Variants in KCNQ1 observed in about 807,000 individuals in gnomAD.
KCNQ1 encodes potassium voltage-gated channel subfamily KQT member 1.
A neutral mutation model predicts 72.4 loss-of-function variants in KCNQ1; 49 were observed. That is an observed-to-expected ratio of 0.68 (90% CI 0.54 to 0.86). The LOEUF is 0.86. Ranked by LOEUF, KCNQ1 falls within the 40% of genes least tolerant of loss-of-function variation. The pLI is 0.00. For synonymous variants in KCNQ1, 450 were observed against 412.6 expected (o/e 1.09, Z -1.10); for missense variants, 790 against 945.1 (o/e 0.84, Z 2.15).
At position 2,781,969 on chromosome 11, in the gene KCNQ1, C is replaced by T. The variant is rs972641894; in HGVS notation, c.1794+3932C>T. 6.6e-6 allele frequency among the ~76,000 whole-genome samples: 1 copy of T among 152,124 alleles called. No homozygotes were observed. Among genetic ancestry groups the T allele is most frequent in the Non-Finnish European group, 1.5e-5 (1 of 68,012 alleles). On this transcript the variant is annotated intron_variant, in intron 15 of 15. Transcript: ENST00000155840. This position sits in a 1 kb window ranked among gnomAD's most constrained non-coding sequence, Gnocchi z 6.6. ...CAGGACTCCCAAAACCACACCCTGC[C>T]CATGCCTTTACCAAGCTTCGTGCAT...
chr11:2,518,224 C>T (rs1414973406), intron 1 of KCNQ1, among the ~76,000 whole-genome samples: 3 of 152,250 alleles, frequency 2.0e-5, no homozygotes, highest in South Asian at 4.1e-4. Context: ...GGCTGCCTGG[C>T]GGTCCATGAA....
rs140627751 is a variant in KCNQ1, at chr11:2,821,666, C to T, written c.1795-26101C>T. On this transcript the variant is annotated intron_variant, in intron 15 of 15. Coordinates refer to ENST00000155840, the MANE Select transcript of KCNQ1 (RefSeq NM_000218.3). ...TGCGTGCTGCCCTTCTGCTGGAAAC[C>T]CTCCCAGCCATTTGAGGTCCTGCCC... Among the ~76,000 whole-genome samples, 1,131 of 152,278 alleles carry T rather than the reference C, an allele frequency of 7.4e-3. 8 individuals carry two copies. The highest frequency in any genetic ancestry group is 0.01 in the Middle Eastern group (3 of 294).
At chr11:2,684,498 A>G (rs1180058873) in intron 11 of KCNQ1, 4 of 398,616 alleles carry the variant, frequency 1.0e-5, no homozygotes, top group African/African-American at 6.2e-5. Flanking sequence ...TTCTCCTTCT[A>G]TTCCTCCTAT....
At chr11:2,614,602 T>C (rs1849031429) in intron 10 of KCNQ1, 1 of 398,390 alleles carries the variant, frequency 2.5e-6, no homozygotes, top group African/African-American at 2.1e-5. Flanking sequence ...TATATGAGGA[T>C]CCAGTTGCCC....
chr11:2,568,769 A>AG (rs1290781933), intron 2 of KCNQ1, among the ~76,000 whole-genome samples: 5 of 152,232 alleles, frequency 3.3e-5, no homozygotes, highest in Non-Finnish European at 7.3e-5. Context: ...GCCGGACCTC[A>AG]GCCTAGAGCC....
intron 15 of KCNQ1, among the ~76,000 whole-genome samples, chr11:2,842,258 G>A (rs1848229735): frequency 6.6e-6 from 1 of 152,232 alleles, no homozygotes; most frequent in Non-Finnish European, 1.5e-5. Context: ...CACACAGCCT[G>A]GACACTGCCC....
chr11:2,605,617 C>T (rs978413117), intron 10 of KCNQ1, among the ~76,000 whole-genome samples: 3 of 152,202 alleles, frequency 2.0e-5, no homozygotes, highest in Non-Finnish European at 4.4e-5. Flanking sequence ...TCCGTTTTTA[C>T]ACTCTGATTC....
chr11:2,723,700 C>A lies in KCNQ1; in HGVS notation c.1515-45144C>A, dbSNP rs1459304920. On this transcript the variant is annotated intron_variant, in intron 11 of 15. Coordinates refer to ENST00000155840, the MANE Select transcript of KCNQ1 (RefSeq NM_000218.3). This position sits in a 1 kb window ranked among gnomAD's most constrained non-coding sequence, Gnocchi z 4.2. ...GTCCGAGCTGAGTGGTCTAGGATGG[C>A]CTTGCTCCCGGAGAAGACCCTTGGC... Among the ~76,000 whole-genome samples the A allele has an allele frequency of 6.6e-6, 1 of 152,160 alleles. No individual in the cohort carries two copies. The highest frequency in any genetic ancestry group is 2.4e-5 in the African/African-American group (1 of 41,428).
At chr11:2,755,864 C>T (rs77932962) in intron 11 of KCNQ1, among the ~76,000 whole-genome samples, 2,244 of 152,132 alleles carry the variant, frequency 0.015, 47 homozygotes, top group African/African-American at 0.051. Flanking sequence ...ACTAAAATAA[C>T]GAATCAATAA....
chr11:2,763,067 T>G (rs571131341), intron 11 of KCNQ1, among the ~76,000 whole-genome samples: 1 of 152,288 alleles, frequency 6.6e-6, no homozygotes, highest in East Asian at 1.9e-4. Context: ...TTCCAATAAA[T>G]AAACAAACAA....
intron 2 of KCNQ1, among the ~76,000 whole-genome samples, chr11:2,545,326 T>C (rs1415029997): frequency 6.6e-6 from 1 of 152,178 alleles, no homozygotes; most frequent in Non-Finnish European, 1.5e-5. Flanking sequence ...CTTTTAGAGG[T>C]GGAGTTTGTG....
rs1200205630 is a variant in KCNQ1, at chr11:2,803,876, C to T, written c.1794+25839C>T. Among the ~76,000 whole-genome samples the T allele has an allele frequency of 6.6e-6, 1 of 152,196 alleles. No homozygotes were observed. Among genetic ancestry groups the T allele is most frequent in the Non-Finnish European group, 1.5e-5 (1 of 68,034 alleles). Reference sequence around the variant, plus strand: ...TATGCACACTCAGGTACTCAGGACACCCCACACCAGCCATTGGATGGGGCC... The same window carrying T: ...TATGCACACTCAGGTACTCAGGACATCCCACACCAGCCATTGGATGGGGCC... On this transcript the variant is annotated intron_variant, in intron 15 of 15. Transcript: ENST00000155840. This position sits in a 1 kb window ranked among gnomAD's most constrained non-coding sequence, Gnocchi z 6.4.
chr11:2,699,653 G>GAAGAACCCCCGGGGAGAACCGCGCCA, intron 11 of KCNQ1: 2 of 358,372 alleles, frequency 5.6e-6, no homozygotes. Context: ...CAACCGCGCC[G>GAAGAACCCCCGGGGAGAACCGCGCCA]AAGAACCCCC....
In KCNQ1 at chr11:2,579,834, C is replaced by G. The variant is rs182679144; in HGVS notation, c.922-3601C>G. The stretch of plus-strand genomic sequence containing the variant: ...AGCCCCAGGAGGTGACACCCCCACC[C>G]TCAGCAGCTCTCGTCTGTTTGGGGG... On this transcript the variant is annotated intron_variant, in intron 6 of 15. Coordinates refer to ENST00000155840, the MANE Select transcript of KCNQ1 (RefSeq NM_000218.3). The surrounding 1 kb of genome is among the most constrained non-coding windows in gnomAD (Gnocchi z 6.0). 1.3e-5 allele frequency among the ~76,000 whole-genome samples: 2 copies of G among 152,152 alleles called. No individual in the cohort carries two copies. The highest frequency in any genetic ancestry group is 1.3e-4 in the Admixed American group (2 of 15,300).
Position 2,486,474 on chromosome 11 carries a change from T to C in KCNQ1, c.386+40990T>C, listed in dbSNP as rs1219705751. ...CCTTTTTACTCCGTTGATAGTGTCT[T>C]TGTACAAAAATTTTTAATGTTCACG... On this transcript the variant is annotated intron_variant, in intron 1 of 15. Coordinates refer to ENST00000155840, the MANE Select transcript of KCNQ1 (RefSeq NM_000218.3). The surrounding 1 kb of genome is among the most constrained non-coding windows in gnomAD (Gnocchi z 5.0). 6.6e-6 allele frequency among the ~76,000 whole-genome samples: 1 copy of C among 152,196 alleles called. No individual in the cohort carries two copies. The highest frequency in any genetic ancestry group is 1.5e-5 in the Non-Finnish European group (1 of 68,038).
At chr11:2,448,061 C>T (rs980411542) in intron 1 of KCNQ1, among the ~76,000 whole-genome samples, 1 of 152,246 alleles carries the variant, frequency 6.6e-6, no homozygotes, top group Non-Finnish European at 1.5e-5. Context: ...TGCTTGCGCC[C>T]CCACTGGGGG....
rs1850121263 is a variant in KCNQ1, at chr11:2,668,353, A to G, written c.1514+6272A>G. On this transcript the variant is annotated intron_variant, in intron 11 of 15. Transcript: ENST00000155840. The surrounding 1 kb of genome is among the most constrained non-coding windows in gnomAD (Gnocchi z 4.3). The stretch of plus-strand genomic sequence containing the variant: ...TGGAGCTGCAGGGTCCTGGGTGGGC[A>G]TATGTTTACTCTTAGTGAATACTAC... 1 of 398,480 alleles carries G rather than the reference A, an allele frequency of 2.5e-6. No homozygotes were observed. The highest frequency in any genetic ancestry group is 4.4e-6 in the Non-Finnish European group (1 of 226,072). The allele number at this position is 398,480 out of a possible 1,614,324, so 24.7% of individuals were successfully genotyped here.
rs1178208392 is a variant in KCNQ1 at position 2,698,389 on chromosome 11, G to C, written c.1514+36308G>C. On this transcript the variant is annotated intron_variant, in intron 11 of 15. Coordinates refer to ENST00000155840, the MANE Select transcript of KCNQ1 (RefSeq NM_000218.3). This position sits in a 1 kb window ranked among gnomAD's most constrained non-coding sequence, Gnocchi z 5.1. ...TTTGACCTGCTCAGGGACCACAGTG[G>C]GGTACTGGGATCTGAACATAGTGGT... is the stretch of plus-strand genomic sequence containing the variant. 2.5e-6 allele frequency: 1 copy of C among 398,282 alleles called. No homozygotes were observed. The highest frequency in any genetic ancestry group is 3.6e-5 in the East Asian group (1 of 28,076). The allele number at this position is 398,282 out of a possible 1,614,324, so 24.7% of individuals were successfully genotyped here. A position where few individuals can be genotyped will look rare whatever the true frequency, so the allele number is the denominator to read the frequency against.
chr11:2,689,217 A>G (rs181941410), intron 11 of KCNQ1: 63 of 398,758 alleles, frequency 1.6e-4, no homozygotes, highest in African/African-American at 1.0e-3. Context: ...ACTTTGATGC[A>G]GTGGTTTAGG....
Sources: gnomAD v4.1 joint callset for allele counts (sites outside exome capture counted in the v4.1 genomes callset) on GRCh38, gnomAD v4.1.1 for gene constraint, Gnocchi (gnomAD v3.1) non-coding constraint, MANE v1.5 for transcripts, NCBI Gene and HGNC (gene_info 2026-07-23, HGNC 2026-07-21) for gene names.